Variants in HERC1 observed in about 807,000 individuals in gnomAD.
HERC1 encodes the protein HECT and RLD domain containing E3 ubiquitin protein ligase family member 1, also known as probable E3 ubiquitin-protein ligase HERC1.
Under a neutral mutation model 554.3 loss-of-function variants are expected in HERC1, and 160 were observed. The observed-to-expected ratio is 0.29, with a 90% confidence interval of 0.25 to 0.33. The LOEUF is 0.33. Ranked by LOEUF, HERC1 falls within the 10% of genes least tolerant of loss-of-function variation. HERC1 has a pLI of 1.00. For missense variants in HERC1, 4,919 were observed against 5,918.5 expected, an observed-to-expected ratio of 0.83 and a Z score of 5.54; for synonymous variants, 2,175 against 2,131.7, an observed-to-expected ratio of 1.02 and a Z score of -0.56.
At chr15:63,617,263 T>C (rs1179690818) in intron 74 of HERC1, among the ~76,000 whole-genome samples, 1 of 152,206 alleles carries the variant, frequency 6.6e-6, no homozygotes, top group East Asian at 1.9e-4. Flanking sequence ...ACGAAGTGTT[T>C]GGTTTTTTGT....
At chr15:63,766,787 C>A (rs1437885494) in intron 2 of HERC1, among the ~76,000 whole-genome samples, 1 of 152,066 alleles carries the variant, frequency 6.6e-6, no homozygotes, top group Non-Finnish European at 1.5e-5. Flanking sequence ...AAGTAATTAT[C>A]CTGCCTCAGT....
intron 44 of HERC1, among the ~76,000 whole-genome samples, chr15:63,662,471 C>G (rs948241318): frequency 6.6e-6 from 1 of 152,142 alleles, no homozygotes; most frequent in African/African-American, 2.4e-5. Flanking sequence ...TTTTTGGTCT[C>G]CCTACTACAA....
intron 33 of HERC1, 52 bp from the exon 34 acceptor site, chr15:63,686,587 A>G: frequency 6.7e-7 from 1 of 1,484,452 alleles, no homozygotes. Context: ...TGTCTCAGAT[A>G]AGATATATTC....
intron 12 of HERC1, among the ~76,000 whole-genome samples, chr15:63,746,668 T>C (rs900744462): frequency 6.6e-6 from 1 of 152,170 alleles, no homozygotes; most frequent in Non-Finnish European, 1.5e-5. Context: ...GAATACAATG[T>C]GATGTAATGA....
Position 63,775,523 on chromosome 15 carries a change from A to G in HERC1, c.101T>C (p.Val34Ala). ...DSESIATREG[V>A]AVLYSKLVSN... ...AACCAGTTTAGAATACAGAACAGCA[A>G]CTCCCTCTCTTGTAGCAATAGATTC... Residue 34 changes from valine to alanine, a missense_variant, in exon 2 of 78, where the codon GTT becomes GCT. Val to Ala is a moderately conservative substitution (Grantham distance 64, BLOSUM62 0). This residue lies in a region of HERC1 where 110 missense variants were observed against 99.3 expected (regional missense o/e 1.11). Coordinates refer to ENST00000443617, the MANE Select transcript of HERC1 (RefSeq NM_003922.4). This position sits in a 1 kb window ranked among gnomAD's most constrained non-coding sequence, Gnocchi z 4.0. 6.2e-7 allele frequency: 1 copy of G among 1,613,646 alleles called. No homozygotes were observed. The highest frequency in any genetic ancestry group is 1.1e-5 in the South Asian group (1 of 91,040).
chr15:63,812,366 T>C, intron 1 of HERC1, among the ~76,000 whole-genome samples: 1 of 152,246 alleles, frequency 6.6e-6, no homozygotes, highest in East Asian at 1.9e-4. Context: ...GTAACATGAC[T>C]GGAGGTAAGT....
chr15:63,661,741 A>C lies in HERC1; in HGVS notation c.9170+12T>G, dbSNP rs769127547. ...TTCAGGAGGTCTGGATATCTACACA[A>C]TTTCAAGGTACCTTTCAGAACTTGT... On this transcript the variant is annotated intron_variant, in intron 45 of 77. Transcript: ENST00000443617. 1.1e-5 allele frequency: 18 copies of C among 1,613,178 alleles called. No homozygotes were observed. The highest frequency in any genetic ancestry group is 1.4e-5 in the Non-Finnish European group (16 of 1,179,336).
Position 63,659,204 on chromosome 15 carries a change from A to G in HERC1, c.9425-486T>C, listed in dbSNP as rs147221664. ...TTTTTTTTTAAATAACAAGTTCTAT[A>G]AATCTTTTTATTGCTTCGGTATCAT... On this transcript the variant is annotated intron_variant, in intron 47 of 77. Coordinates refer to ENST00000443617, the MANE Select transcript of HERC1 (RefSeq NM_003922.4). 3.1e-3 allele frequency among the ~76,000 whole-genome samples: 474 copies of G among 152,264 alleles called. 1 individual carries two copies. Among genetic ancestry groups the G allele is most frequent in the Non-Finnish European group, 5.1e-3 (346 of 68,032 alleles).
chr15:63,687,767 G>C (rs1485553337), intron 33 of HERC1, among the ~76,000 whole-genome samples: 1 of 152,200 alleles, frequency 6.6e-6, no homozygotes, highest in African/African-American at 2.4e-5. Context: ...CAAAGAGTGT[G>C]TGGCAACTAC....
At chr15:63,620,514 T>C (rs2068028535) in intron 74 of HERC1, among the ~76,000 whole-genome samples, 1 of 152,250 alleles carries the variant, frequency 6.6e-6, no homozygotes, top group Admixed American at 6.5e-5. Context: ...TTAGGTCTGC[T>C]TGGTGCAGAG....
intron 1 of HERC1, among the ~76,000 whole-genome samples, chr15:63,798,154 G>A (rs539378771): frequency 6.6e-6 from 1 of 152,232 alleles, no homozygotes; most frequent in East Asian, 1.9e-4. Context: ...CAGAATCAGT[G>A]CTTTAGGATA....
chr15:63,675,132 A>T lies in HERC1; in HGVS notation c.7071-15T>A, dbSNP rs1433478594. 6.4e-7 allele frequency: 1 copy of T among 1,562,480 alleles called. No individual in the cohort carries two copies. Among genetic ancestry groups the T allele is most frequent in the Non-Finnish European group, 8.7e-7 (1 of 1,155,192 alleles). ...AAGTTGGGAAGCTTTAATAAAGATC[A>T]GAATGACACAGGAAGAAGCAAGTGA... On this transcript the variant is annotated splice_polypyrimidine_tract_variant and intron_variant, in intron 37 of 77. Coordinates refer to ENST00000443617, the MANE Select transcript of HERC1 (RefSeq NM_003922.4).
chr15:63,678,008 C>T lies in HERC1; in HGVS notation c.6907G>A (p.Val2303Met). ...CCTATCACAGCCAGCACGGGCCACA[C>T]CTCTATGCAAAGAGTCCTCAGCTGC... ...ELQLRTLCIEVWPVLAVIGGV... is the reference protein window; with the variant it reads ...ELQLRTLCIEMWPVLAVIGGV... Residue 2303 changes from valine (V) to methionine (M), a missense_variant, in exon 37 of 78, where the codon GTG becomes ATG. Physicochemically the swap from Val to Met is conservative, Grantham distance 21. Coordinates refer to ENST00000443617, the MANE Select transcript of HERC1 (RefSeq NM_003922.4). The T allele has an allele frequency of 1.2e-6, 2 of 1,614,006 alleles. No individual in the cohort carries two copies. Among genetic ancestry groups the T allele is most frequent in the Non-Finnish European group, 1.7e-6 (2 of 1,179,880 alleles).
At position 63,634,801 on chromosome 15, in the gene HERC1, G is replaced by C. The variant is rs936640052; in HGVS notation, c.12502C>G (p.Leu4168Val). The C allele has an allele frequency of 6.2e-7, 1 of 1,612,982 alleles. No individual in the cohort carries two copies. The highest frequency in any genetic ancestry group is 8.5e-7 in the Non-Finnish European group (1 of 1,179,266). Residue 4168 changes from leucine to valine, a missense_variant, in exon 66 of 78, where the codon CTT (leucine) becomes GTT (valine). Transcript: ENST00000443617. ...AGTTTTTTGTTAGAGGTATTTCCAAGACCCAGACGACCATAGTCACCATTC... is the reference window on the plus strand; with the variant it reads ...AGTTTTTTGTTAGAGGTATTTCCAACACCCAGACGACCATAGTCACCATTC... ...FGNGDYGRLG[L>V]GNTSNKKLPE...
In HERC1 at chr15:63,666,082, G is replaced by A; in HGVS notation, c.8392C>T (p.His2798Tyr). ...LAMWMIEHPG[H>Y]EDEEEPQSGS... ...GACTGGGGCTCCTCTTCATCCTCAT[G>A]CCCAGGGTGCTCTATCATCCACATG... The change falls in exon 42 of 78, where the codon CAT (histidine) becomes TAT (tyrosine). Residue 2798 changes from histidine (H) to tyrosine (Y), a missense_variant. Physicochemically the swap from His to Tyr is moderately conservative, Grantham distance 83. Coordinates refer to ENST00000443617, the MANE Select transcript of HERC1 (RefSeq NM_003922.4). 1 of 1,613,956 alleles carries A rather than the reference G, an allele frequency of 6.2e-7. No individual in the cohort carries two copies. Among genetic ancestry groups the A allele is most frequent in the Non-Finnish European group, 8.5e-7 (1 of 1,179,882 alleles).
chr15:63,619,577 G>A (rs1256573581), intron 74 of HERC1, among the ~76,000 whole-genome samples: 1 of 152,204 alleles, frequency 6.6e-6, no homozygotes, highest in Non-Finnish European at 1.5e-5. Flanking sequence ...AATGGTACCA[G>A]CTCCTCCTTG....
intron 34 of HERC1, among the ~76,000 whole-genome samples, chr15:63,682,340 T>C (rs1190914379): frequency 2.0e-5 from 3 of 152,230 alleles, no homozygotes; most frequent in African/African-American, 7.2e-5. Flanking sequence ...TGCTGTTCTT[T>C]CTTCCAGGAA....
intron 1 of HERC1, among the ~76,000 whole-genome samples, chr15:63,798,618 A>G (rs1567138654): frequency 6.6e-6 from 1 of 151,894 alleles, no homozygotes; most frequent in Admixed American, 6.6e-5. Context: ...CTCTAACAGG[A>G]TACCTCTCAC....
At chr15:63,777,816 C>A (rs1029375531) in intron 1 of HERC1, among the ~76,000 whole-genome samples, 1 of 152,152 alleles carries the variant, frequency 6.6e-6, no homozygotes, top group East Asian at 1.9e-4. Context: ...TACAAAACCA[C>A]CTTGATATTC....
Sources: gnomAD v4.1 joint callset for allele counts (sites outside exome capture counted in the v4.1 genomes callset) on GRCh38, gnomAD v4.1.1 for gene constraint, gnomAD v4.1.1 regional missense constraint, Gnocchi (gnomAD v3.1) non-coding constraint, MANE v1.5 for transcripts, NCBI Gene and HGNC (gene_info 2026-07-23, HGNC 2026-07-21) for gene names.